The following MACIR variants were observed in gnomAD, a reference collection of about 807,000 sequenced individuals.
MACIR encodes the protein UNC119-binding protein C5orf30.
MACIR carries 4 observed loss-of-function variants against 14.3 expected under a neutral mutation model. That is an observed-to-expected ratio of 0.28 (90% CI 0.14 to 0.64). The LOEUF (loss-of-function observed/expected upper bound fraction) is 0.64. MACIR is among the 30% of genes least tolerant of loss of function. The pLI, the probability that MACIR is intolerant of heterozygous loss-of-function variation, is 0.83. For synonymous variants in MACIR, 101 were observed against 102.4 expected (o/e 0.99, Z 0.08); for missense variants, 228 against 257.6 (o/e 0.89, Z 0.79).
At chr5:103,269,664 A>T (rs1805056029) in intron 2 of MACIR, among the ~76,000 whole-genome samples, 1 of 152,146 alleles carries the variant, frequency 6.6e-6, no homozygotes, top group Non-Finnish European at 1.5e-5. Context: ...CCAAATAGAT[A>T]GGAAGCTTGG....
chr5:103,258,435 G>C (rs1027290719), upstream of MACIR, among the ~76,000 whole-genome samples: 1 of 152,024 alleles, frequency 6.6e-6, no homozygotes, highest in Non-Finnish European at 1.5e-5. Context: ...AGTGTTCCCA[G>C]GTCCGCAAGT....
At chr5:103,258,581 G>GGCCC (rs1341799563), upstream of MACIR, 2 of 152,292 alleles carry the variant, frequency 1.3e-5, no homozygotes, top group African/African-American at 4.8e-5. Flanking sequence ...GCAGCCAGCC[G>GGCCC]GCCCGCCCTT....
At chr5:103,258,483 G>C (rs373571626), upstream of MACIR, among the ~76,000 whole-genome samples, 376 of 152,034 alleles carry the variant, frequency 2.5e-3, 1 homozygote, top group African/African-American at 8.8e-3. Flanking sequence ...TTAGACTAGA[G>C]AGCGGGTGTT....
chr5:103,267,179 T>G (rs975837267), intron 2 of MACIR, among the ~76,000 whole-genome samples: 1 of 152,164 alleles, frequency 6.6e-6, no homozygotes, highest in Non-Finnish European at 1.5e-5. Context: ...GTTCCAGGAC[T>G]TCCCCCAGGT....
intron 1 of MACIR, among the ~76,000 whole-genome samples, chr5:103,263,569 A>C (rs930615649): frequency 1.3e-5 from 2 of 152,200 alleles, no homozygotes; most frequent in Non-Finnish European, 2.9e-5. Flanking sequence ...AAACTCTTTG[A>C]AAGTGTAAAT....
chr5:103,262,433 T>C (rs1804761730), intron 1 of MACIR, among the ~76,000 whole-genome samples: 2 of 152,326 alleles, frequency 1.3e-5, no homozygotes, highest in Admixed American at 6.5e-5. Flanking sequence ...GAGACACTTT[T>C]GAGAGTTAAA....
At position 103,276,609 on chromosome 5, in the gene MACIR, C is replaced by T. The variant is rs1322005547; in HGVS notation, c.*69C>T. On this transcript the variant is annotated 3_prime_UTR_variant, in exon 3 of 3. Coordinates refer to ENST00000319933, the MANE Select transcript of MACIR (RefSeq NM_033211.4). ...TGGCTAGAAAAAACCCACTGCTGTA[C>T]TCTGTACATGACTCTTCACACTATA... 5 of 1,404,652 alleles carry T rather than the reference C, an allele frequency of 3.6e-6. No homozygotes were observed. The African/African-American group carries it at 5.8e-5, about 16-fold the overall frequency. 87.0% of individuals were successfully genotyped at this position (1,404,652 alleles called of 1,614,324 possible). A position where few individuals can be genotyped will look rare whatever the true frequency, so the allele number is the denominator to read the frequency against.
chr5:103,259,464 G>T (rs1256606198), intron 1 of MACIR: 1 of 152,192 alleles, frequency 6.6e-6, no homozygotes, highest in Non-Finnish European at 1.5e-5. Context: ...AGCGGGCCTG[G>T]AGGCCCCTTT....
chr5:103,259,950 T>TC (rs1175722990), intron 1 of MACIR, among the ~76,000 whole-genome samples: 7 of 152,122 alleles, frequency 4.6e-5, no homozygotes, highest in African/African-American at 2.4e-5. Context: ...CCCGTCCTTT[T>TC]CCCCTTGCTA....
At chr5:103,261,750 G>A (rs1335836336) in intron 1 of MACIR, among the ~76,000 whole-genome samples, 1 of 122,546 alleles carries the variant, frequency 8.2e-6, no homozygotes, top group Non-Finnish European at 1.7e-5. Context: ...AAATGTTTTG[G>A]TGGGCTTCAG....
At chr5:103,261,553 T>C (rs1804681949) in intron 1 of MACIR, among the ~76,000 whole-genome samples, 1 of 152,206 alleles carries the variant, frequency 6.6e-6, no homozygotes, top group African/African-American at 2.4e-5. Context: ...AAAGAATTTT[T>C]AAAAATTGAT....
intron 2 of MACIR, among the ~76,000 whole-genome samples, chr5:103,271,887 A>G (rs565848435): frequency 6.6e-6 from 1 of 152,284 alleles, no homozygotes; most frequent in Admixed American, 6.5e-5. Context: ...GCTTTAAATT[A>G]TATATGAAAG....
intron 2 of MACIR, among the ~76,000 whole-genome samples, chr5:103,268,918 C>A (rs1805024800): frequency 6.6e-6 from 1 of 152,054 alleles, no homozygotes; most frequent in African/African-American, 2.4e-5. Flanking sequence ...ATGATTCTGG[C>A]ATTAAAACTA....
intron 1 of MACIR, among the ~76,000 whole-genome samples, chr5:103,263,023 G>A (rs1804784111): frequency 6.6e-6 from 1 of 152,062 alleles, no homozygotes; most frequent in Admixed American, 6.6e-5. Context: ...CATGTTTTGG[G>A]AATTTTTATA....
At chr5:103,261,636 CTT>C (rs1305564515) in intron 1 of MACIR, among the ~76,000 whole-genome samples, 5 of 121,828 alleles carry the variant, frequency 4.1e-5, no homozygotes, top group Admixed American at 2.4e-4. Context: ...ACCTGTTTTT[CTT>C]TTTCTTTCTT....
chr5:103,272,989 T>G (rs1805190920), intron 2 of MACIR, among the ~76,000 whole-genome samples: 1 of 152,188 alleles, frequency 6.6e-6, no homozygotes, highest in African/African-American at 2.4e-5. Context: ...ACATAGCAGC[T>G]ATATATATTT....
At chr5:103,264,360 G>A (rs578017853) in intron 1 of MACIR, among the ~76,000 whole-genome samples, 1 of 152,166 alleles carries the variant, frequency 6.6e-6, no homozygotes, top group East Asian at 1.9e-4. Flanking sequence ...GATATAAATT[G>A]TATATCACTT....
rs1804550511 is a variant in MACIR at position 103,258,796 on chromosome 5, C to G, written c.-214C>G. 1 of 152,522 alleles carries G rather than the reference C, an allele frequency of 6.6e-6. No homozygotes were observed. Among genetic ancestry groups the G allele is most frequent in the African/African-American group, 2.4e-5 (1 of 41,458 alleles). The allele number at this position is 152,522 out of a possible 1,614,324, so 9.4% of individuals were successfully genotyped here. On this transcript the variant is annotated 5_prime_UTR_variant, in exon 1 of 3. Coordinates refer to ENST00000319933, the MANE Select transcript of MACIR (RefSeq NM_033211.4). ...GTACCCGGCTGGCTCGGCTGGCGGC[C>G]TCTGCCTGGATCTCGGCGCCGCAGT...
chr5:103,266,944 T>C (rs1360769209), intron 2 of MACIR, among the ~76,000 whole-genome samples: 1 of 152,126 alleles, frequency 6.6e-6, no homozygotes, highest in Non-Finnish European at 1.5e-5. Flanking sequence ...ATTTTCAGTT[T>C]TGAGGAAAAG....
Sources: allele counts gnomAD v4.1 joint callset (sites outside exome capture counted in the v4.1 genomes callset), GRCh38; gene constraint gnomAD v4.1.1; transcripts MANE v1.5; gene names NCBI Gene and HGNC (gene_info 2026-07-23, HGNC 2026-07-21).